Variants in MS4A7 observed in about 807,000 individuals in gnomAD.
The protein encoded by MS4A7 is membrane-spanning 4-domains subfamily A member 7.
MS4A7 carries 21 observed loss-of-function variants against 23.5 expected under a neutral mutation model. That is an observed-to-expected ratio of 0.89 (90% confidence interval 0.63 to 1.29). The LOEUF is 1.29. Ranked by LOEUF, MS4A7 falls within the 50% of genes most tolerant of loss-of-function variation. The pLI, the probability that MS4A7 is intolerant of heterozygous loss-of-function variation, is 0.00. For synonymous variants in MS4A7, 111 were observed against 107.4 expected (o/e 1.03, Z -0.21); for missense variants, 263 against 274.2 (o/e 0.96, Z 0.29).
intron 5 of MS4A7, among the ~76,000 whole-genome samples, chr11:60,391,564 T>C (rs2085550247): frequency 1.3e-5 from 2 of 152,164 alleles, no homozygotes; most frequent in South Asian, 4.1e-4. Flanking sequence ...GGAGATAACA[T>C]AATAATTTGA....
intron 5 of MS4A7, 106 bp from the exon 6 acceptor site, chr11:60,392,579 G>C: frequency 1.4e-6 from 1 of 740,290 alleles, no homozygotes; most frequent in Non-Finnish European, 2.3e-6. Context: ...AATTTTCCCT[G>C]TCTCCTTTTC....
chr11:60,379,364 GCA>G (rs1207656451), intron 1 of MS4A7, among the ~76,000 whole-genome samples: 1 of 152,094 alleles, frequency 6.6e-6, no homozygotes, highest in African/African-American at 2.4e-5. Flanking sequence ...GTTCATAGTG[GCA>G]AAAAGAAAAA....
Position 60,395,168 on chromosome 11 carries a change from T to A in MS4A7, c.*1307T>A, listed in dbSNP as rs2085601587. The A allele has an allele frequency of 8.1e-6, 3 of 369,162 alleles. No homozygotes were observed. Among genetic ancestry groups the A allele is most frequent in the Non-Finnish European group, 1.4e-5 (3 of 207,428 alleles). The allele number at this position is 369,162 out of a possible 1,614,324, so 22.9% of individuals were successfully genotyped here. ...ACATGGGCGTATTCTTTCTTCCCAG[T>A]CATTGCTGCAATTATCTTGTCTGTT... is the stretch of plus-strand genomic sequence containing the variant. On this transcript the variant is annotated 3_prime_UTR_variant, in exon 7 of 7. Coordinates refer to ENST00000300184, the MANE Select transcript of MS4A7 (RefSeq NM_021201.5).
chr11:60,389,514 A>G lies in MS4A7; in HGVS notation c.464A>G (p.Tyr155Cys), dbSNP rs768462204. ...CAACATTGTGGCTCAGAAATGGATT[A>G]TCTATCCTCATTGCCTTATTCGGAG... is the stretch of plus-strand genomic sequence containing the variant. ...ASQHCGSEMD[Y>C]LSSLPYSEYY... The change falls in exon 5 of 7, where the codon TAT becomes TGT. Residue 155 changes from tyrosine to cysteine, a missense_variant. Tyr to Cys is a radical substitution (Grantham distance 194). Coordinates refer to ENST00000300184, the MANE Select transcript of MS4A7 (RefSeq NM_021201.5). 1.2e-6 allele frequency: 2 copies of G among 1,614,020 alleles called. No homozygotes were observed. The highest frequency in any genetic ancestry group is 1.7e-6 in the Non-Finnish European group (2 of 1,179,972).
intron 4 of MS4A7, among the ~76,000 whole-genome samples, chr11:60,388,416 A>T (rs1259615289): frequency 6.6e-6 from 1 of 152,196 alleles, no homozygotes; most frequent in Non-Finnish European, 1.5e-5. Flanking sequence ...TCAGTTTCTA[A>T]GTCCAGAACT....
At chr11:60,385,985 C>G (rs2085482057) in intron 3 of MS4A7, among the ~76,000 whole-genome samples, 1 of 152,194 alleles carries the variant, frequency 6.6e-6, no homozygotes, top group South Asian at 2.1e-4. Flanking sequence ...TGGTCCTGCC[C>G]CAGAGCACAA....
chr11:60,386,695 C>A (rs769762824), intron 3 of MS4A7, 22 bp from the exon 4 acceptor site: 1 of 1,601,110 alleles, frequency 6.2e-7, no homozygotes, highest in South Asian at 1.1e-5. Flanking sequence ...CTGAACTGAT[C>A]ATTTCTCTCT....
At position 60,393,847 on chromosome 11, in the gene MS4A7, C is replaced by T. The variant is rs144114225; in HGVS notation, c.709C>T (p.Arg237Trp). 2.0e-5 allele frequency: 32 copies of T among 1,609,614 alleles called. No homozygotes were observed. The highest frequency in any genetic ancestry group is 4.0e-5 in the African/African-American group (3 of 74,558). ...CCAACAGGTCAAAAAGAGTTCTTCACGGTCTTGGATATAAGTAACTCTTGG... is the reference window on the plus strand; with the variant it reads ...CCAACAGGTCAAAAAGAGTTCTTCATGGTCTTGGATATAAGTAACTCTTGG... Reference protein sequence around the residue: ...HIQQVKKSSSRSWI With the variant: ...HIQQVKKSSSWSWI Residue 237 changes from arginine to tryptophan, a missense_variant, in exon 7 of 7, where the codon CGG (arginine) becomes TGG (tryptophan). Physicochemically the swap from Arg to Trp is moderately radical, Grantham distance 101. Coordinates refer to ENST00000300184, the MANE Select transcript of MS4A7 (RefSeq NM_021201.5).
Position 60,383,253 on chromosome 11 carries a change from C to A in MS4A7, c.112C>A (p.Gln38Lys), listed in dbSNP as rs759749560. The change falls in exon 2 of 7, where the codon CAG (glutamine) becomes AAG (lysine). Residue 38 changes from glutamine (Q) to lysine (K), a missense_variant. Gln to Lys is a moderately conservative substitution (Grantham distance 53, BLOSUM62 1). Coordinates refer to ENST00000300184, the MANE Select transcript of MS4A7 (RefSeq NM_021201.5). ...CATGTACCAAAACGAAGATTACCTG[C>A]AGAACGGGCTGCCAACAGAAACCAC... is the stretch of plus-strand genomic sequence containing the variant. ...GHMYQNEDYL[Q>K]NGLPTETTVL... 3.1e-6 allele frequency: 5 copies of A among 1,614,156 alleles called. No individual in the cohort carries two copies. The highest frequency in any genetic ancestry group is 4.5e-5 in the East Asian group (2 of 44,882).
chr11:60,391,193 A>G (rs1212182723), intron 5 of MS4A7, among the ~76,000 whole-genome samples: 1 of 152,228 alleles, frequency 6.6e-6, no homozygotes, highest in East Asian at 1.9e-4. Flanking sequence ...TCTGCCCAAC[A>G]TCCCAAGAAG....
chr11:60,384,229 G>T (rs1263749342), intron 2 of MS4A7, among the ~76,000 whole-genome samples: 1 of 152,190 alleles, frequency 6.6e-6, no homozygotes, highest in Admixed American at 6.5e-5. Context: ...AAATTATCCA[G>T]TGGGATTCCT....
At chr11:60,391,978 A>G (rs1358765017) in intron 5 of MS4A7, among the ~76,000 whole-genome samples, 1 of 151,926 alleles carries the variant, frequency 6.6e-6, no homozygotes, top group Non-Finnish European at 1.5e-5. Context: ...ACAGTAAAGG[A>G]AAAAAAAGAT....
chr11:60,382,370 C>T (rs2085440262), intron 1 of MS4A7, among the ~76,000 whole-genome samples: 1 of 152,228 alleles, frequency 6.6e-6, no homozygotes. Context: ...ATATATTGAA[C>T]ACATTCTAAG....
intron 1 of MS4A7, among the ~76,000 whole-genome samples, chr11:60,381,789 A>G (rs768072189): frequency 2.0e-5 from 3 of 152,136 alleles, no homozygotes; most frequent in Non-Finnish European, 4.4e-5. Context: ...GCCCAGGGTG[A>G]GTTTAGCAGT....
At position 60,394,237 on chromosome 11, in the gene MS4A7, A is replaced by G. The variant is rs1231463182; in HGVS notation, c.*376A>G. 6.3e-6 allele frequency: 1 copy of G among 158,840 alleles called. No homozygotes were observed. Among genetic ancestry groups the G allele is most frequent in the African/African-American group, 2.4e-5 (1 of 41,670 alleles). The allele number at this position is 158,840 out of a possible 1,614,324, so 9.8% of individuals were successfully genotyped here. A position where few individuals can be genotyped will look rare whatever the true frequency, so the allele number is the denominator to read the frequency against. On this transcript the variant is annotated 3_prime_UTR_variant, in exon 7 of 7. Coordinates refer to ENST00000300184, the MANE Select transcript of MS4A7 (RefSeq NM_021201.5). ...CACACTCATATTGCTTAAATATTAC[A>G]TATTAGGGATTGTAAGAAAACTTTA... is the stretch of plus-strand genomic sequence containing the variant.
In MS4A7 at chr11:60,386,684, ACTGAACTGATCATTTCTCTCT is replaced by A. The variant is rs1260360791; in HGVS notation, c.283-30_283-10del. On this transcript the variant is annotated splice_polypyrimidine_tract_variant and intron_variant, in intron 3 of 6. Transcript: ENST00000300184. Reference sequence around the variant, plus strand: ...ATGGTGGGCACATTTCCACAAGACAACTGAACTGATCATTTCTCTCTCTTCTGGGCAGTTTGGCATTACTGG... The same window carrying A: ...ATGGTGGGCACATTTCCACAAGACAACTTCTGGGCAGTTTGGCATTACTGG... 9 of 1,578,758 alleles carry A rather than the reference ACTGAACTGATCATTTCTCTCT, an allele frequency of 5.7e-6. No homozygotes were observed. The East Asian group carries it at 1.3e-4, about 24-fold the overall frequency.
chr11:60,385,448 A>T (rs961064146), intron 3 of MS4A7, among the ~76,000 whole-genome samples: 2 of 152,194 alleles, frequency 1.3e-5, no homozygotes, highest in East Asian at 3.8e-4. Flanking sequence ...TGGTAATACA[A>T]TGGGTATACC....
rs1359510088 is a variant in MS4A7 at position 60,385,127 on chromosome 11, G to C, written c.187G>C (p.Gly63Arg). Reference protein sequence around the residue: ...ILCCLLISSLGAILVFAPYPS... With the variant: ...ILCCLLISSLRAILVFAPYPS... Reference sequence around the variant, plus strand: ...GTGTTGCCTGTTGATTTCAAGTCTGGGGGCCATCTTGGTTTTTGCTCCCTA... The same window carrying C: ...GTGTTGCCTGTTGATTTCAAGTCTGCGGGCCATCTTGGTTTTTGCTCCCTA... Residue 63 changes from glycine (G) to arginine (R), a missense_variant, in exon 3 of 7, where the codon GGG becomes CGG. Gly to Arg is a moderately radical substitution (Grantham distance 125). Transcript: ENST00000300184. 4.3e-6 allele frequency: 7 copies of C among 1,613,938 alleles called. No homozygotes were observed. The highest frequency in any genetic ancestry group is 1.6e-4 in the Middle Eastern group (1 of 6,062).
chr11:60,392,895 G>A (rs1336549265), intron 6 of MS4A7, 109 bp downstream of exon 6: 9 of 714,778 alleles, frequency 1.3e-5, no homozygotes, highest in Non-Finnish European at 1.9e-5. Context: ...TTCATGAGGT[G>A]CATGTGGAAG....
Sources: allele counts gnomAD v4.1 joint callset (sites outside exome capture counted in the v4.1 genomes callset), GRCh38; gene constraint gnomAD v4.1.1; transcripts MANE v1.5; gene names NCBI Gene and HGNC (gene_info 2026-07-23, HGNC 2026-07-21).